Variants in CATSPERT observed in about 807,000 individuals in gnomAD.
The protein encoded by CATSPERT is cation channel sperm-associated targeting subunit tau.
the CATSPERT span, among the ~76,000 whole-genome samples, chr2:201,517,227 G>A: frequency 2.4e-3 from 364 of 152,116 alleles, 2 homozygotes; most frequent in African/African-American, 8.0e-3. Flanking sequence ...ACAAAGCACC[G>A]TTTGGGTGGT....
the CATSPERT span, chr2:201,494,371 G>C: frequency 1.6e-5 from 25 of 1,537,052 alleles, no homozygotes; most frequent in Admixed American, 5.9e-5. Context: ...TAAAGACTTC[G>C]AGAGGTGACA....
the CATSPERT span, among the ~76,000 whole-genome samples, chr2:201,594,599 G>A: frequency 1.8e-4 from 28 of 151,992 alleles, no homozygotes; most frequent in Non-Finnish European, 3.2e-4. Flanking sequence ...CATTCTCCCC[G>A]TCACTTTCAG....
chr2:201,590,524 T>A, the CATSPERT span, among the ~76,000 whole-genome samples: 1 of 151,896 alleles, frequency 6.6e-6, no homozygotes, highest in East Asian at 1.9e-4. Context: ...CTGGGTCAAA[T>A]GGTATTTCTA....
At chr2:201,563,440 G>C in the CATSPERT span, among the ~76,000 whole-genome samples, 1 of 50,050 alleles carries the variant, frequency 2.0e-5, no homozygotes, top group Non-Finnish European at 4.1e-5. Context: ...CTCCCTCCCG[G>C]ACGGGGCGGC....
At chr2:201,529,829 G>A in the CATSPERT span, among the ~76,000 whole-genome samples, 1 of 151,976 alleles carries the variant, frequency 6.6e-6, no homozygotes, top group Non-Finnish European at 1.5e-5. Context: ...AACATGAACT[G>A]GAAGAAAATA....
At chr2:201,598,032 A>G in the CATSPERT span, among the ~76,000 whole-genome samples, 1 of 152,180 alleles carries the variant, frequency 6.6e-6, no homozygotes, top group Non-Finnish European at 1.5e-5. Context: ...ACAATGGTTA[A>G]AACAAAGAAA....
chr2:201,578,098 T>A, the CATSPERT span, among the ~76,000 whole-genome samples: 1 of 152,158 alleles, frequency 6.6e-6, no homozygotes, highest in East Asian at 1.9e-4. Context: ...ACTAGCTAAG[T>A]GTATTAATAT....
At chr2:201,541,553 AT>A in the CATSPERT span, among the ~76,000 whole-genome samples, 1 of 116,546 alleles carries the variant, frequency 8.6e-6, no homozygotes, top group African/African-American at 3.6e-5. Context: ...ATATATATAT[AT>A]ATATATATAT....
the CATSPERT span, among the ~76,000 whole-genome samples, chr2:201,506,754 C>T: frequency 1.1e-4 from 17 of 152,248 alleles, no homozygotes; most frequent in East Asian, 1.5e-3. Context: ...GTGGTTTCAC[C>T]GTGTTAGCCG....
At chr2:201,515,449 G>T in the CATSPERT span, among the ~76,000 whole-genome samples, 1 of 151,654 alleles carries the variant, frequency 6.6e-6, no homozygotes, top group Non-Finnish European at 1.5e-5. Flanking sequence ...TGGCCAGGCT[G>T]GTCTCGAACT....
the CATSPERT span, among the ~76,000 whole-genome samples, chr2:201,567,515 T>A: frequency 5.9e-5 from 9 of 152,070 alleles, no homozygotes; most frequent in East Asian, 1.5e-3. Flanking sequence ...TTAGACTGAG[T>A]TCAAAGGCCT....
the CATSPERT span, chr2:201,487,867 C>T: frequency 1.2e-6 from 2 of 1,612,280 alleles, no homozygotes; most frequent in South Asian, 2.2e-5. Context: ...TAAATGAGGT[C>T]ATGTCATGTA....
chr2:201,491,997 G>T, the CATSPERT span: 2 of 1,536,826 alleles, frequency 1.3e-6, no homozygotes, highest in South Asian at 2.4e-5. Context: ...GTTGTACTTT[G>T]ATTAAACTTG....
At chr2:201,513,933 C>T in the CATSPERT span, among the ~76,000 whole-genome samples, 1 of 152,104 alleles carries the variant, frequency 6.6e-6, no homozygotes, top group Non-Finnish European at 1.5e-5. Context: ...AAACTAAAGA[C>T]ATTTCTGAGT....
At chr2:201,494,351 G>A in the CATSPERT span, 2 of 1,536,910 alleles carry the variant, frequency 1.3e-6, no homozygotes, top group Non-Finnish European at 1.7e-6. Flanking sequence ...TCTATATGGG[G>A]GGTAAAATTT....
chr2:201,494,218 GAAC>G, the CATSPERT span: 1 of 1,536,106 alleles, frequency 6.5e-7, no homozygotes, highest in Non-Finnish European at 8.7e-7. Context: ...TAGAAGTGGA[GAAC>G]TACTTTTCTC....
At chr2:201,531,871 T>C in the CATSPERT span, among the ~76,000 whole-genome samples, 491 of 152,328 alleles carry the variant, frequency 3.2e-3, no homozygotes, top group Middle Eastern at 6.8e-3. Context: ...GTTTGGACTT[T>C]ATTCCAGGCA....
chr2:201,507,737 GAA>G, the CATSPERT span, among the ~76,000 whole-genome samples: 5,916 of 152,234 alleles, frequency 0.039, 178 homozygotes, highest in African/African-American at 0.082. Context: ...AATTTATGAA[GAA>G]AAGAGGTTTA....
At chr2:201,562,275 C>A in the CATSPERT span, among the ~76,000 whole-genome samples, 2 of 151,254 alleles carry the variant, frequency 1.3e-5, no homozygotes, top group Admixed American at 6.6e-5. Context: ...GAAACCTCCC[C>A]CTCTTGGGTT....
Sources: allele counts gnomAD v4.1 joint callset (sites outside exome capture counted in the v4.1 genomes callset), GRCh38; gene constraint gnomAD v4.1.1; transcripts MANE v1.5; gene names NCBI Gene and HGNC (gene_info 2026-07-23, HGNC 2026-07-21).